Variants in OR51M1 observed in about 807,000 individuals in gnomAD.
The protein encoded by OR51M1 is olfactory receptor 51M1.
For synonymous variants in OR51M1, 199 were observed against 155.1 expected, an observed-to-expected ratio of 1.28 and a Z score of -2.10; for missense variants, 509 against 404.4, an observed-to-expected ratio of 1.26 and a Z score of -2.22.
In OR51M1 at chr11:5,392,208, G is replaced by C. The variant is rs1210307029; in HGVS notation, c.*1829G>C. On this transcript the variant is annotated 3_prime_UTR_variant, in exon 3 of 3. Coordinates refer to ENST00000642046, the MANE Select transcript of OR51M1 (RefSeq NM_001004756.3). Reference sequence around the variant, plus strand: ...ATGTGTGGGTGTTATCAGACTCTCAGGCTTGGGAGCCCCTCTGGAACCCAG... The same window carrying C: ...ATGTGTGGGTGTTATCAGACTCTCACGCTTGGGAGCCCCTCTGGAACCCAG... 2.0e-5 allele frequency: 3 copies of C among 152,226 alleles called. No homozygotes were observed. The highest frequency in any genetic ancestry group is 7.2e-5 in the African/African-American group (3 of 41,468). 9.4% of individuals were successfully genotyped at this position (152,226 alleles called of 1,614,324 possible).
In OR51M1 at chr11:5,390,473, A is replaced by AT; in HGVS notation, c.*100dup. ...TTGAGTATATAGCATGCTCTTAAAGATTTTTTGCCCCTGTCCTAAATAAAA... is the reference window on the plus strand; with the variant it reads ...TTGAGTATATAGCATGCTCTTAAAGATTTTTTTGCCCCTGTCCTAAATAAAA... On this transcript the variant is annotated 3_prime_UTR_variant, in exon 3 of 3. Transcript: ENST00000642046. 8.9e-7 allele frequency: 1 copy of AT among 1,126,438 alleles called. No individual in the cohort carries two copies. Among genetic ancestry groups the AT allele is most frequent in the Non-Finnish European group, 1.2e-6 (1 of 818,680 alleles). The allele number at this position is 1,126,438 out of a possible 1,614,324, so 69.8% of individuals were successfully genotyped here.
At position 5,389,671 on chromosome 11, in the gene OR51M1, C is replaced by T. The variant is rs769386890; in HGVS notation, c.273C>T (p.Pro91=). ...TGGGGCTGTGTGTGTCCACGTTGCC[C>T]ACCACTATGGGGATCTTCTGGTTTA... ...TDLGLCVSTL[P]TTMGIFWFNS... Residue 91 remains proline (P), a synonymous_variant, in exon 3 of 3, where the codon CCC becomes CCT. Transcript: ENST00000642046. 2.5e-6 allele frequency: 4 copies of T among 1,613,594 alleles called. No individual in the cohort carries two copies. Among genetic ancestry groups the T allele is most frequent in the Non-Finnish European group, 3.4e-6 (4 of 1,179,856 alleles).
At position 5,383,904 on chromosome 11, in the gene OR51M1, G is replaced by A. The variant is rs1849646075; in HGVS notation, c.-135G>A. 6.6e-6 allele frequency: 1 copy of A among 152,148 alleles called. No individual in the cohort carries two copies. The highest frequency in any genetic ancestry group is 1.5e-5 in the Non-Finnish European group (1 of 68,068). The allele number at this position is 152,148 out of a possible 1,614,324, so 9.4% of individuals were successfully genotyped here. The stretch of plus-strand genomic sequence containing the variant: ...ACCTACTCATTGGCTTCACATTTTT[G>A]TTATTACCTGCTGGTGAGTCTCACT... On this transcript the variant is annotated 5_prime_UTR_variant, in exon 1 of 3. Transcript: ENST00000642046.
intron 2 of OR51M1, among the ~76,000 whole-genome samples, chr11:5,388,579 G>A (rs958813162): frequency 2.0e-5 from 3 of 148,614 alleles, no homozygotes; most frequent in Non-Finnish European, 3.0e-5. Context: ...GAATTGTTTA[G>A]TGTCATTAAC....
chr11:5,384,024 C>T (rs1015287746), intron 1 of OR51M1, 107 bp downstream of exon 1: 3 of 152,168 alleles, frequency 2.0e-5, no homozygotes, highest in African/African-American at 7.2e-5. Context: ...ATAGGTATCA[C>T]AAAAGCAGTG....
Position 5,389,753 on chromosome 11 carries a change from T to C in OR51M1, c.355T>C (p.Phe119Leu). ...CQIQMFCIHS[F>L]SFMESSVLLM... The stretch of plus-strand genomic sequence containing the variant: ...AATCCAGATGTTCTGCATCCACTCT[T>C]TTTCCTTCATGGAGTCCTCAGTGCT... Residue 119 changes from phenylalanine to leucine, a missense_variant, in exon 3 of 3, where the codon TTT becomes CTT. Transcript: ENST00000642046. 1 of 1,613,964 alleles carries C rather than the reference T, an allele frequency of 6.2e-7. No individual in the cohort carries two copies. The highest frequency in any genetic ancestry group is 8.5e-7 in the Non-Finnish European group (1 of 1,179,888).
intron 2 of OR51M1, among the ~76,000 whole-genome samples, chr11:5,386,305 T>C (rs1318896219): frequency 6.6e-6 from 1 of 152,098 alleles, no homozygotes; most frequent in Non-Finnish European, 1.5e-5. Context: ...GGGCTAAAGA[T>C]GGTGTTACAG....
Position 5,391,886 on chromosome 11 carries a change from C to A in OR51M1, c.*1507C>A. On this transcript the variant is annotated 3_prime_UTR_variant, in exon 3 of 3. Coordinates refer to ENST00000642046, the MANE Select transcript of OR51M1 (RefSeq NM_001004756.3). Reference sequence around the variant, plus strand: ...GAGTTTGAGACCAGCCTGAACAATACAGCAAGACCCTATCTCTACAAAAAA... The same window carrying A: ...GAGTTTGAGACCAGCCTGAACAATAAAGCAAGACCCTATCTCTACAAAAAA... The A allele has an allele frequency of 6.6e-6, 1 of 152,184 alleles. No homozygotes were observed. The highest frequency in any genetic ancestry group is 2.1e-4 in the South Asian group (1 of 4,824). The allele number at this position is 152,184 out of a possible 1,614,324, so 9.4% of individuals were successfully genotyped here.
At chr11:5,388,597 A>C (rs548446620) in intron 2 of OR51M1, among the ~76,000 whole-genome samples, 162 of 149,594 alleles carry the variant, frequency 1.1e-3, no homozygotes, top group African/African-American at 3.8e-3. Flanking sequence ...AACACCGTGA[A>C]TATACAGAGG....
intron 1 of OR51M1, 119 bp from the exon 2 acceptor site, chr11:5,385,234 G>A (rs987022472): frequency 6.6e-6 from 1 of 152,094 alleles, no homozygotes; most frequent in East Asian, 1.9e-4. Context: ...AATGACTGTT[G>A]CTCTCCTATC....
rs1849793432 is a variant in OR51M1 at position 5,391,401 on chromosome 11, GGT to G, written c.*1028_*1029del. On this transcript the variant is annotated 3_prime_UTR_variant, in exon 3 of 3. Transcript: ENST00000642046. Reference sequence around the variant, plus strand: ...CACACAGTAATGTCCTGTTTATGAAGGTGTGTGCATGTGTCCATTAGAATGAC... The same window carrying G: ...CACACAGTAATGTCCTGTTTATGAAGGTGTGCATGTGTCCATTAGAATGAC... 1 of 152,190 alleles carries G rather than the reference GGT, an allele frequency of 6.6e-6. No individual in the cohort carries two copies. Among genetic ancestry groups the G allele is most frequent in the Admixed American group, 6.5e-5 (1 of 15,286 alleles). The allele number at this position is 152,190 out of a possible 1,614,324, so 9.4% of individuals were successfully genotyped here.
In OR51M1 at chr11:5,389,776, G is replaced by T. The variant is rs532842246; in HGVS notation, c.378G>T (p.Val126=). Residue 126 remains valine (V), a synonymous_variant, in exon 3 of 3, where the codon GTG becomes GTT. Coordinates refer to ENST00000642046, the MANE Select transcript of OR51M1 (RefSeq NM_001004756.3). ...CTTTTTCCTTCATGGAGTCCTCAGTGCTCCTCATGATGTCCTTTGACCGCC... is the reference window on the plus strand; with the variant it reads ...CTTTTTCCTTCATGGAGTCCTCAGTTCTCCTCATGATGTCCTTTGACCGCC... ...IHSFSFMESS[V]LLMMSFDRLV... 6.2e-7 allele frequency: 1 copy of T among 1,613,992 alleles called. No individual in the cohort carries two copies. Among genetic ancestry groups the T allele is most frequent in the South Asian group, 1.1e-5 (1 of 91,090 alleles).
At chr11:5,384,384 G>GAAGA (rs1381446183) in intron 1 of OR51M1, among the ~76,000 whole-genome samples, 184 of 152,268 alleles carry the variant, frequency 1.2e-3, no homozygotes, top group African/African-American at 4.2e-3. Context: ...TTAGAAACCA[G>GAAGA]GGTTCTCACA....
chr11:5,388,328 A>T (rs1365000320), intron 2 of OR51M1, among the ~76,000 whole-genome samples: 3 of 151,886 alleles, frequency 2.0e-5, no homozygotes, highest in Admixed American at 2.0e-4. Context: ...CAGGGAAAAT[A>T]TCATGGTAAT....
chr11:5,386,036 G>T (rs1039357749), intron 2 of OR51M1, among the ~76,000 whole-genome samples: 2 of 151,756 alleles, frequency 1.3e-5, no homozygotes, highest in Non-Finnish European at 2.9e-5. Flanking sequence ...GGTACTACGT[G>T]AGAACAGAGA....
intron 2 of OR51M1, among the ~76,000 whole-genome samples, chr11:5,385,868 T>A (rs10837972): frequency 0.25 from 26,954 of 107,594 alleles, 2,598 homozygotes; most frequent in African/African-American, 0.33. Context: ...TATAAAGTAT[T>A]TATGAGTAAA....
intron 2 of OR51M1, among the ~76,000 whole-genome samples, chr11:5,386,101 A>G (rs1353755824): frequency 1.3e-5 from 2 of 152,152 alleles, no homozygotes; most frequent in African/African-American, 2.4e-5. Flanking sequence ...AGAAGAAGTG[A>G]TATTTGTACT....
At chr11:5,385,766 TACAG>T (rs1564795620) in intron 2 of OR51M1, among the ~76,000 whole-genome samples, 1 of 148,432 alleles carries the variant, frequency 6.7e-6, no homozygotes, top group African/African-American at 2.5e-5. Context: ...TATATAAATA[TACAG>T]ACACATATAT....
At position 5,390,010 on chromosome 11, in the gene OR51M1, C is replaced by G; in HGVS notation, c.612C>G (p.Ile204Met). 3 of 1,613,326 alleles carry G rather than the reference C, an allele frequency of 1.9e-6. No homozygotes were observed. The highest frequency in any genetic ancestry group is 2.5e-6 in the Non-Finnish European group (3 of 1,179,890). The change falls in exon 3 of 3, where the codon ATC (isoleucine) becomes ATG (methionine). Residue 204 changes from isoleucine (I) to methionine (M), a missense_variant. Physicochemically the swap from Ile to Met is conservative, Grantham distance 10. Coordinates refer to ENST00000642046, the MANE Select transcript of OR51M1 (RefSeq NM_001004756.3). Reference sequence around the variant, plus strand: ...TGATACAGCTGGCCTGCACAGATATCACCTTCAATAATCTGTATGGACTGA... The same window carrying G: ...TGATACAGCTGGCCTGCACAGATATGACCTTCAATAATCTGTATGGACTGA... Reference protein sequence around the residue: ...QEVIQLACTDITFNNLYGLMV... With the variant: ...QEVIQLACTDMTFNNLYGLMV...
Sources: allele counts gnomAD v4.1 joint callset (sites outside exome capture counted in the v4.1 genomes callset), GRCh38; gene constraint gnomAD v4.1.1; transcripts MANE v1.5; gene names NCBI Gene and HGNC (gene_info 2026-07-23, HGNC 2026-07-21).